Variants in GPR158 observed in about 807,000 individuals in gnomAD.
GPR158 encodes metabotropic glycine receptor.
Under a neutral mutation model 78.2 loss-of-function variants are expected in GPR158, and 30 were observed. The ratio of observed to expected loss-of-function variants is 0.38; its 90% confidence interval spans 0.29 to 0.52. The LOEUF (loss-of-function observed/expected upper bound fraction) is 0.52, where lower values mean the gene tolerates loss of function less well. Among genes scored for constraint, GPR158 ranks in the 20% least tolerant of loss-of-function variants. The probability of loss-of-function intolerance (pLI) is 0.83; values close to 1 mark genes in which losing one functional copy is unlikely to be tolerated. For synonymous variants in GPR158, 581 were observed against 591.1 expected, an observed-to-expected ratio of 0.98 and a Z score of 0.25; for missense variants, 1,463 against 1,523.5, an observed-to-expected ratio of 0.96 and a Z score of 0.66.
chr10:25,477,121 A>AT (rs1162064838), intron 5 of GPR158, among the ~76,000 whole-genome samples: 2 of 151,930 alleles, frequency 1.3e-5, no homozygotes, highest in African/African-American at 4.8e-5. Flanking sequence ...TTTTAACTCC[A>AT]TTTTTTTGCG....
rs746196503 is a variant in GPR158 at position 25,584,836 on chromosome 10, C to T, written c.1754-4171C>T. On this transcript the variant is annotated intron_variant, in intron 7 of 10. Coordinates refer to ENST00000376351, the MANE Select transcript of GPR158 (RefSeq NM_020752.3). ...ATGAAAATCTAACAGTTTATCTGAG[C>T]GAAGATCAATTCATGAATCAGGAAG... Among the ~76,000 whole-genome samples, 7 of 152,096 alleles carry T rather than the reference C, an allele frequency of 4.6e-5. No homozygotes were observed. In the East Asian group the frequency reaches 7.7e-4, roughly 17 times the overall value.
intron 4 of GPR158, among the ~76,000 whole-genome samples, chr10:25,464,482 C>T (rs542843667): frequency 2.0e-5 from 3 of 152,280 alleles, no homozygotes; most frequent in South Asian, 2.1e-4. Flanking sequence ...TTGAAGAATA[C>T]GTATCTACTT....
chr10:25,526,912 A>G (rs1393588987), intron 5 of GPR158, among the ~76,000 whole-genome samples: 4 of 152,246 alleles, frequency 2.6e-5, no homozygotes, highest in Non-Finnish European at 5.9e-5. Context: ...AGCCCCAGCT[A>G]TATGCTGTAC....
chr10:25,365,599 A>G (rs1042860973), intron 2 of GPR158, among the ~76,000 whole-genome samples: 4 of 151,682 alleles, frequency 2.6e-5, no homozygotes, highest in African/African-American at 9.7e-5. Flanking sequence ...CATAGATCCT[A>G]TATCTATCAG....
chr10:25,510,603 C>T (rs1836072229), intron 5 of GPR158, among the ~76,000 whole-genome samples: 1 of 152,128 alleles, frequency 6.6e-6, no homozygotes, highest in South Asian at 2.1e-4. Context: ...TGTTTGTTTA[C>T]ATGAATAAGT....
chr10:25,372,696 T>C (rs1257651714), intron 2 of GPR158, among the ~76,000 whole-genome samples: 1 of 98,464 alleles, frequency 1.0e-5, no homozygotes, highest in Non-Finnish European at 1.9e-5. Context: ...CATCACACTC[T>C]GGGGACTGTT....
intron 5 of GPR158, among the ~76,000 whole-genome samples, chr10:25,534,523 T>C (rs1014753664): frequency 6.6e-6 from 1 of 151,494 alleles, no homozygotes; most frequent in Non-Finnish European, 1.5e-5. Context: ...AACAGATTAC[T>C]TGAGATCAGG....
intron 5 of GPR158, among the ~76,000 whole-genome samples, chr10:25,540,999 C>A (rs1836575246): frequency 6.8e-6 from 1 of 147,852 alleles, no homozygotes; most frequent in Non-Finnish European, 1.5e-5. Flanking sequence ...AAAACCTACA[C>A]CTACATGAAA....
chr10:25,345,288 G>A (rs1447100012), intron 2 of GPR158, among the ~76,000 whole-genome samples: 3 of 151,874 alleles, frequency 2.0e-5, no homozygotes, highest in African/African-American at 7.3e-5. Context: ...CTCTTCTGTT[G>A]CCCATCTTAC....
At chr10:25,289,554 T>C (rs1015149476) in intron 2 of GPR158, among the ~76,000 whole-genome samples, 5 of 152,048 alleles carry the variant, frequency 3.3e-5, no homozygotes, top group Admixed American at 1.3e-4. Flanking sequence ...TGCCTCAGCC[T>C]CCCGAGTAGC....
In GPR158 at chr10:25,317,714, G is replaced by GTGTTT. The variant is rs1304266948; in HGVS notation, c.1009-78195_1009-78191dup. On this transcript the variant is annotated intron_variant, in intron 2 of 10. Coordinates refer to ENST00000376351, the MANE Select transcript of GPR158 (RefSeq NM_020752.3). Reference sequence around the variant, plus strand: ...TCTTAAATTCTGTTTTCTTCGTAAAGTGTTTTTTTTTGTTTTGTTTTGTTT... The same window carrying GTGTTT: ...TCTTAAATTCTGTTTTCTTCGTAAAGTGTTTTGTTTTTTTTTGTTTTGTTTTGTTT... Among the ~76,000 whole-genome samples the GTGTTT allele has an allele frequency of 4.0e-3, 511 of 128,412 alleles. 27 individuals are homozygous for GTGTTT. The highest frequency in any genetic ancestry group is 0.018 in the African/African-American group (473 of 26,814). 84.2% of individuals were successfully genotyped at this position (128,412 alleles called of 152,430 possible).
At chr10:25,253,035 G>A (rs1014194344) in intron 2 of GPR158, among the ~76,000 whole-genome samples, 9 of 152,148 alleles carry the variant, frequency 5.9e-5, no homozygotes, top group African/African-American at 9.6e-5. Context: ...TTCTTAAGCC[G>A]GTCTGAAAAG....
chr10:25,274,647 C>A (rs1019443689), intron 2 of GPR158, among the ~76,000 whole-genome samples: 2 of 152,096 alleles, frequency 1.3e-5, no homozygotes, highest in African/African-American at 4.8e-5. Context: ...ATCTAAAAGC[C>A]CACTAGTGCA....
At chr10:25,499,389 G>C (rs1442095031) in intron 5 of GPR158, among the ~76,000 whole-genome samples, 1 of 152,190 alleles carries the variant, frequency 6.6e-6, no homozygotes, top group Non-Finnish European at 1.5e-5. Flanking sequence ...GCGGGTGCTG[G>C]GATGCCTTGG....
intron 5 of GPR158, among the ~76,000 whole-genome samples, chr10:25,494,190 TG>T (rs575921457): frequency 6.6e-6 from 1 of 152,082 alleles, no homozygotes; most frequent in South Asian, 2.1e-4. Flanking sequence ...TACCTGAGGT[TG>T]GGGGGAAAGA....
At chr10:25,254,729 G>A (rs1462946924) in intron 2 of GPR158, among the ~76,000 whole-genome samples, 1 of 152,152 alleles carries the variant, frequency 6.6e-6, no homozygotes, top group Non-Finnish European at 1.5e-5. Context: ...GAAAACAGTT[G>A]AGTATGTGAT....
chr10:25,365,382 G>T (rs1028847607), intron 2 of GPR158, among the ~76,000 whole-genome samples: 2 of 151,598 alleles, frequency 1.3e-5, no homozygotes, highest in African/African-American at 4.8e-5. Flanking sequence ...TTTTGATTTA[G>T]CCCTATGCCC....
At chr10:25,587,860 C>T (rs1837291437) in intron 7 of GPR158, among the ~76,000 whole-genome samples, 1 of 152,158 alleles carries the variant, frequency 6.6e-6, no homozygotes, top group Non-Finnish European at 1.5e-5. Context: ...GCAAGGAAAA[C>T]ACCTTGGTTT....
chr10:25,485,977 C>G (rs1352115547), intron 5 of GPR158, among the ~76,000 whole-genome samples: 2 of 152,110 alleles, frequency 1.3e-5, no homozygotes, highest in African/African-American at 2.4e-5. Context: ...GAAAGAGACT[C>G]TTCACTTTTT....
Sources: allele counts gnomAD v4.1 joint callset (sites outside exome capture counted in the v4.1 genomes callset), GRCh38; gene constraint gnomAD v4.1.1; transcripts MANE v1.5; gene names NCBI Gene and HGNC (gene_info 2026-07-23, HGNC 2026-07-21).